CNOT1: variants seen among roughly 807,000 people sequenced by gnomAD.
CNOT1 encodes CCR4-NOT transcription complex subunit 1.
In CNOT1, 15 loss-of-function variants were observed where a neutral mutation model predicts 273.8. That is an observed-to-expected ratio of 0.05 (90% confidence interval 0.04 to 0.08). CNOT1 has a LOEUF of 0.08. CNOT1 is among the 10% of genes least tolerant of loss of function. The pLI, the probability that CNOT1 is intolerant of heterozygous loss-of-function variation, is 1.00. For synonymous variants in CNOT1, 1,022 were observed against 1,005.5 expected, an observed-to-expected ratio of 1.02 and a Z score of -0.31; for missense variants, 1,644 against 2,912.2, an observed-to-expected ratio of 0.56 and a Z score of 10.02.
chr16:58,566,276 G>A (rs758894161), intron 16 of CNOT1, among the ~76,000 whole-genome samples: 1 of 152,070 alleles, frequency 6.6e-6, no homozygotes, highest in Non-Finnish European at 1.5e-5. Context: ...CAACTCCATC[G>A]TAATTCTTCT....
intron 17 of CNOT1, chr16:58,559,934 G>T: frequency 1.2e-6 from 1 of 837,944 alleles, no homozygotes; most frequent in Non-Finnish European, 1.9e-6. Context: ...CAGTGCTTAT[G>T]TCTCAAGAGT....
chr16:58,599,094 A>G (rs2042374991), intron 2 of CNOT1, 142 bp downstream of exon 2: 4 of 924,518 alleles, frequency 4.3e-6, no homozygotes, highest in Non-Finnish European at 6.4e-6. Flanking sequence ...GCTCTTTTAC[A>G]GATGATGATG....
intron 46 of CNOT1, among the ~76,000 whole-genome samples, chr16:58,524,895 A>ATTTT (rs2039534894): frequency 6.6e-6 from 1 of 152,230 alleles, no homozygotes; most frequent in African/African-American, 2.4e-5. Flanking sequence ...GGCTATGTTT[A>ATTTT]AAGGGACTTT....
chr16:58,611,068 T>G (rs2042881341), intron 1 of CNOT1, among the ~76,000 whole-genome samples: 1 of 151,940 alleles, frequency 6.6e-6, no homozygotes, highest in Non-Finnish European at 1.5e-5. Context: ...TGCTGATTCC[T>G]AAGCACCACC....
intron 1 of CNOT1, among the ~76,000 whole-genome samples, chr16:58,605,281 T>A (rs900397862): frequency 2.0e-4 from 31 of 152,194 alleles, no homozygotes; most frequent in African/African-American, 7.0e-4. Flanking sequence ...GGCGGGTGGA[T>A]CACCTGAGGT....
At chr16:58,523,712 AT>A (rs2151890825) in intron 46 of CNOT1, 2 of 429,392 alleles carry the variant, frequency 4.7e-6, no homozygotes, top group Admixed American at 3.7e-5. Flanking sequence ...AAAAATATTC[AT>A]TTTTAAAAAC....
Position 58,538,014 on chromosome 16 carries a change from T to C in CNOT1, c.5291A>G (p.Gln1764Arg). Residue 1764 changes from glutamine to arginine, a missense_variant, in exon 38 of 49, where the codon CAG becomes CGG. Physicochemically the swap from Gln to Arg is conservative, Grantham distance 43. Around this residue, in one of 13 missense-constraint regions of CNOT1, gnomAD observed 170 missense variants for 273.1 expected, o/e 0.62. Transcript: ENST00000317147. ...LNYMAVAFAM[Q>R]LVKILLVDER... ...ATCCACCAGCAGGATTTTTACTAACTGCATAGCAAATGCCACAGCCATGTA... is the reference window on the plus strand; with the variant it reads ...ATCCACCAGCAGGATTTTTACTAACCGCATAGCAAATGCCACAGCCATGTA... 6.2e-7 allele frequency: 1 copy of C among 1,614,174 alleles called. No homozygotes were observed. The highest frequency in any genetic ancestry group is 1.1e-5 in the South Asian group (1 of 91,086).
At chr16:58,560,828 C>G (rs1206302226) in intron 16 of CNOT1, among the ~76,000 whole-genome samples, 1 of 152,070 alleles carries the variant, frequency 6.6e-6, no homozygotes, top group East Asian at 1.9e-4. Flanking sequence ...AGTTCGAGAC[C>G]AGCCTGGCTA....
At chr16:58,596,469 G>A (rs766651210) in intron 2 of CNOT1, among the ~76,000 whole-genome samples, 1 of 152,148 alleles carries the variant, frequency 6.6e-6, no homozygotes, top group Non-Finnish European at 1.5e-5. Context: ...ATTGATGTAC[G>A]ATGGAGTGTC....
chr16:58,618,619 C>T (rs930753758), intron 1 of CNOT1, among the ~76,000 whole-genome samples: 5 of 150,950 alleles, frequency 3.3e-5, no homozygotes, highest in Non-Finnish European at 1.5e-5. Flanking sequence ...GGCGCACACT[C>T]CAGCCTGGGC....
At chr16:58,557,153 A>T (rs1249451701) in intron 18 of CNOT1, among the ~76,000 whole-genome samples, 160 bp from the exon 19 acceptor site, 2 of 152,184 alleles carry the variant, frequency 1.3e-5, no homozygotes, top group African/African-American at 2.4e-5. Flanking sequence ...ACATCTATTC[A>T]ATTTTACAGA....
intron 18 of CNOT1, 125 bp from the exon 19 acceptor site, chr16:58,557,118 CAG>C (rs777478882): frequency 1.5e-5 from 19 of 1,291,974 alleles, no homozygotes; most frequent in East Asian, 2.6e-5. Context: ...CTTTAAAAGT[CAG>C]AGTCTTTGTT....
intron 1 of CNOT1, among the ~76,000 whole-genome samples, chr16:58,601,734 T>TACAAAAAAAAAAAAAA (rs2042470937): frequency 1.1e-5 from 1 of 91,514 alleles, no homozygotes; most frequent in Non-Finnish European, 2.2e-5. Flanking sequence ...ATACCCACCT[T>TACAAAAAAAAAAAAAA]AAAAAAAAAA....
chr16:58,589,659 GT>G (rs969215775), intron 2 of CNOT1, among the ~76,000 whole-genome samples: 38 of 151,456 alleles, frequency 2.5e-4, no homozygotes, highest in Non-Finnish European at 4.6e-4. Context: ...GTAACAAAAG[GT>G]TTTTTTTTAA....
At chr16:58,563,935 T>C (rs1442290199) in intron 16 of CNOT1, among the ~76,000 whole-genome samples, 1 of 152,180 alleles carries the variant, frequency 6.6e-6, no homozygotes, top group Admixed American at 6.5e-5. Flanking sequence ...CAACACTGTA[T>C]GTGATACAAA....
At chr16:58,583,788 C>T (rs1413990989) in intron 8 of CNOT1, among the ~76,000 whole-genome samples, 1 of 152,078 alleles carries the variant, frequency 6.6e-6, no homozygotes, top group Non-Finnish European at 1.5e-5. Context: ...ATCCACCCAC[C>T]TCAGCCTCCC....
chr16:58,559,213 AT>A (rs1426184305), intron 17 of CNOT1, among the ~76,000 whole-genome samples: 2 of 152,226 alleles, frequency 1.3e-5, no homozygotes, highest in East Asian at 3.9e-4. Context: ...CAAAAGTTTG[AT>A]TTTGGAGCAT....
chr16:58,549,141 T>C (rs1181740831), intron 25 of CNOT1, among the ~76,000 whole-genome samples: 2 of 151,868 alleles, frequency 1.3e-5, no homozygotes, highest in African/African-American at 4.8e-5. Flanking sequence ...ATATAAAAAT[T>C]AGCTGGGCAT....
chr16:58,628,894 A>G (rs1191847694), intron 1 of CNOT1, among the ~76,000 whole-genome samples: 1 of 152,220 alleles, frequency 6.6e-6, no homozygotes, highest in Non-Finnish European at 1.5e-5. Flanking sequence ...TGGTACTGAA[A>G]AAGTATTATT....
Sources: gnomAD v4.1 joint callset for allele counts (sites outside exome capture counted in the v4.1 genomes callset) on GRCh38, gnomAD v4.1.1 for gene constraint, gnomAD v4.1.1 regional missense constraint, MANE v1.5 for transcripts, NCBI Gene and HGNC (gene_info 2026-07-23, HGNC 2026-07-21) for gene names.